Variants in FAM219B observed in about 807,000 individuals in gnomAD.
FAM219B encodes the protein protein FAM219B.
In FAM219B, 18 loss-of-function variants were observed where a neutral mutation model predicts 19.9. The observed-to-expected ratio is 0.91, with a 90% CI of 0.63 to 1.34. The LOEUF is 1.34. Among genes scored for constraint, FAM219B ranks in the 40% most tolerant of loss-of-function variants. The pLI, the probability that FAM219B is intolerant of heterozygous loss-of-function variation, is 0.00. For missense variants in FAM219B, 283 were observed against 270.5 expected (o/e 1.05, Z -0.32); for synonymous variants, 123 against 117.5 (o/e 1.05, Z -0.30).
downstream of FAM219B, chr15:74,899,466 A>G (rs2064872744): frequency 6.6e-6 from 1 of 152,208 alleles, no homozygotes; most frequent in South Asian, 2.1e-4. Context: ...AACCCATTCT[A>G]CAGAAGTGAC....
chr15:74,902,461 T>TG lies in FAM219B; in HGVS notation c.*157dup, dbSNP rs1007501027. The TG allele has an allele frequency of 1.4e-5, 8 of 578,352 alleles. No homozygotes were observed. 35.8% of individuals were successfully genotyped at this position (578,352 alleles called of 1,614,324 possible). The stretch of plus-strand genomic sequence containing the variant: ...TCTACCTATCAGCCCACAGCCCAGA[T>TG]GGGGGCCTCTGGCCTGAGAAGCAAC... On this transcript the variant is annotated 3_prime_UTR_variant, in exon 5 of 5. Transcript: ENST00000357635.
chr15:74,905,430 T>C, intron 2 of FAM219B, 199 bp from the exon 3 acceptor site: 1 of 505,616 alleles, frequency 2.0e-6, no homozygotes, highest in Non-Finnish European at 3.6e-6. Flanking sequence ...TCATTCTTTT[T>C]TTCTTTTTTT....
rs1262743377 is a variant in FAM219B, at chr15:74,902,105, G to A, written c.*514C>T. The A allele has an allele frequency of 5.0e-6, 2 of 398,548 alleles. No homozygotes were observed. The highest frequency in any genetic ancestry group is 4.1e-5 in the African/African-American group (2 of 48,650). 24.7% of individuals were successfully genotyped at this position (398,548 alleles called of 1,614,324 possible). On this transcript the variant is annotated 3_prime_UTR_variant, in exon 5 of 5. Coordinates refer to ENST00000357635, the MANE Select transcript of FAM219B (RefSeq NM_020447.5). The stretch of plus-strand genomic sequence containing the variant: ...GGACTCACTTTATGCTGTCTTGAAG[G>A]TCAAGCCTGCAAACCATCTTAGAGC...
chr15:74,905,346 C>T, intron 2 of FAM219B, 115 bp from the exon 3 acceptor site: 1 of 1,003,652 alleles, frequency 1.0e-6, no homozygotes, highest in South Asian at 1.4e-5. Context: ...ACTGACTTGC[C>T]TTCTCCCTGG....
intron 4 of FAM219B, among the ~76,000 whole-genome samples, chr15:74,903,621 A>G (rs948841333): frequency 4.1e-5 from 6 of 145,238 alleles, no homozygotes; most frequent in South Asian, 2.1e-4. Flanking sequence ...AAAAAAAAAA[A>G]AAAGAAAAAG....
At chr15:74,904,535 GGAAGATCGTA>G in intron 4 of FAM219B, 119 bp downstream of exon 4, 1 of 1,132,506 alleles carries the variant, frequency 8.8e-7, no homozygotes, top group Non-Finnish European at 1.3e-6. Flanking sequence ...AGGGCAGAGT[GGAAGATCGTA>G]GAACAGACCA....
At chr15:74,906,546 GC>G in intron 1 of FAM219B, 40 bp downstream of exon 1, 1 of 1,470,710 alleles carries the variant, frequency 6.8e-7, no homozygotes, top group Non-Finnish European at 9.0e-7. Context: ...GCGGCCGCCC[GC>G]CCAGGGAGAA....
chr15:74,904,889 G>T, intron 3 of FAM219B, 177 bp from the exon 4 acceptor site: 1 of 1,446,052 alleles, frequency 6.9e-7, no homozygotes. Context: ...GGTTCTGGCA[G>T]GGACAGGGTC....
At chr15:74,906,149 T>C in intron 2 of FAM219B, 129 bp downstream of exon 2, 4 of 867,904 alleles carry the variant, frequency 4.6e-6, no homozygotes, top group East Asian at 5.3e-5. Context: ...ATTTTAAAGA[T>C]AGTGAACCTG....
At chr15:74,906,192 C>T in intron 2 of FAM219B, 86 bp downstream of exon 2, 1 of 1,456,356 alleles carries the variant, frequency 6.9e-7, no homozygotes, top group Middle Eastern at 1.7e-4. Flanking sequence ...CTAGCTCGGC[C>T]TTAAACCAGA....
intron 2 of FAM219B, 69 bp from the exon 3 acceptor site, chr15:74,905,300 A>AT: frequency 6.7e-7 from 1 of 1,487,036 alleles, no homozygotes; most frequent in South Asian, 1.1e-5. Flanking sequence ...GGATAGGCAG[A>AT]GTCCTCGCCC....
chr15:74,899,505 C>T (rs1221552657), downstream of FAM219B: 1 of 152,220 alleles, frequency 6.6e-6, no homozygotes, highest in Non-Finnish European at 1.5e-5. Context: ...CTCATGCCGT[C>T]CAGTGAAACA....
At chr15:74,903,462 G>C (rs1341795986) in intron 4 of FAM219B, among the ~76,000 whole-genome samples, 3 of 151,868 alleles carry the variant, frequency 2.0e-5, no homozygotes, top group Non-Finnish European at 4.4e-5. Context: ...TTAGCCAGGC[G>C]TGACGGCGGG....
chr15:74,906,516 C>G, intron 1 of FAM219B, 71 bp downstream of exon 1: 1 of 1,464,702 alleles, frequency 6.8e-7, no homozygotes, highest in South Asian at 1.4e-5. Flanking sequence ...CAGCGGAGCT[C>G]CGGAACCCGC....
intron 3 of FAM219B, 75 bp from the exon 4 acceptor site, chr15:74,904,787 T>C (rs544343456): frequency 1.9e-6 from 3 of 1,586,620 alleles, no homozygotes; most frequent in East Asian, 2.2e-5. Flanking sequence ...GCGGAGAGCA[T>C]GCAAGGGCAT....
rs897512112 is a variant in FAM219B, at chr15:74,902,167, T to C, written c.*452A>G. On this transcript the variant is annotated 3_prime_UTR_variant, in exon 5 of 5. Coordinates refer to ENST00000357635, the MANE Select transcript of FAM219B (RefSeq NM_020447.5). ...GAGCAAACGGAATTTCTCGAACTGG[T>C]CTCAAACAGTTTCTTTTTTGGATTG... 7.5e-6 allele frequency: 3 copies of C among 398,626 alleles called. No individual in the cohort carries two copies. Among genetic ancestry groups the C allele is most frequent in the African/African-American group, 6.2e-5 (3 of 48,638 alleles). The allele number at this position is 398,626 out of a possible 1,614,324, so 24.7% of individuals were successfully genotyped here. A position where few individuals can be genotyped will look rare whatever the true frequency, so the allele number is the denominator to read the frequency against.
Position 74,906,674 on chromosome 15 carries a change from G to C in FAM219B, c.127C>G (p.Leu43Val). 6.6e-7 allele frequency: 1 copy of C among 1,506,582 alleles called. No individual in the cohort carries two copies. The highest frequency in any genetic ancestry group is 1.4e-5 in the South Asian group (1 of 73,530). The allele number at this position is 1,506,582 out of a possible 1,614,324, so 93.3% of individuals were successfully genotyped here. ...PPSGQIGNRA[L>V]RLGERTPAAV... The stretch of plus-strand genomic sequence containing the variant: ...GCGGGGGTGCGCTCCCCCAGACGGA[G>C]GGCTCTATTACCGATCTGCCCGGAG... Residue 43 changes from leucine (L) to valine (V), a missense_variant, in exon 1 of 5, where the codon CTC (leucine) becomes GTC (valine). Transcript: ENST00000357635.
At chr15:74,904,542 C>A in intron 4 of FAM219B, 122 bp downstream of exon 4, 2 of 1,212,128 alleles carry the variant, frequency 1.6e-6, no homozygotes, top group South Asian at 1.2e-5. Flanking sequence ...AGTGGAAGAT[C>A]GTAGAACAGA....
chr15:74,904,044 G>A (rs1239757941), intron 4 of FAM219B, among the ~76,000 whole-genome samples: 1 of 152,200 alleles, frequency 6.6e-6, no homozygotes, highest in Non-Finnish European at 1.5e-5. Flanking sequence ...AGAGAAACTA[G>A]AGTTGCTGTG....
Sources: gnomAD v4.1 joint callset for allele counts (sites outside exome capture counted in the v4.1 genomes callset) on GRCh38, gnomAD v4.1.1 for gene constraint, MANE v1.5 for transcripts, NCBI Gene and HGNC (gene_info 2026-07-23, HGNC 2026-07-21) for gene names.